GRAMD2B: variants seen among roughly 807,000 people sequenced by gnomAD.
GRAMD2B encodes the protein GRAM domain-containing protein 2B.
In GRAMD2B, 41 loss-of-function variants were observed where a neutral mutation model predicts 59.2. The ratio of observed to expected loss-of-function variants is 0.69; its 90% confidence interval spans 0.54 to 0.90. GRAMD2B has a LOEUF of 0.90. Among genes scored for constraint, GRAMD2B ranks in the 40% least tolerant of loss-of-function variants. The pLI is 0.00. For missense variants in GRAMD2B, 424 were observed against 500.5 expected (o/e 0.85, Z 1.46); for synonymous variants, 161 against 182.7 (o/e 0.88, Z 0.96).
At chr5:126,368,000 G>A (rs1754545485), upstream of GRAMD2B, among the ~76,000 whole-genome samples, 1 of 151,890 alleles carries the variant, frequency 6.6e-6, no homozygotes, top group African/African-American at 2.4e-5. Flanking sequence ...ATCTGCCCGC[G>A]TCGGCCTCCC....
intron 1 of GRAMD2B, among the ~76,000 whole-genome samples, chr5:126,414,559 T>G (rs919530312): frequency 5.9e-5 from 9 of 152,126 alleles, no homozygotes; most frequent in African/African-American, 2.2e-4. Context: ...ATCTCCTAGA[T>G]TCAAGTGATC....
chr5:126,398,399 T>G (rs960530973), intron 1 of GRAMD2B, among the ~76,000 whole-genome samples: 1 of 152,088 alleles, frequency 6.6e-6, no homozygotes, highest in Non-Finnish European at 1.5e-5. Context: ...ATTTACCCAG[T>G]TTTTTGGCAT....
intron 1 of GRAMD2B, among the ~76,000 whole-genome samples, chr5:126,361,481 C>T (rs570125308): frequency 4.0e-5 from 4 of 100,226 alleles, no homozygotes; most frequent in South Asian, 8.3e-4. Flanking sequence ...TTCTTAATTC[C>T]GAAATGGTAA....
At chr5:126,484,335 T>C (rs1040815575) in intron 9 of GRAMD2B, 67 bp from the exon 10 acceptor site, 1 of 1,534,410 alleles carries the variant, frequency 6.5e-7, no homozygotes, top group Admixed American at 2.0e-5. Flanking sequence ...TTGATTTACT[T>C]GGAGATTAAT....
chr5:126,377,647 C>G (rs1165955217), intron 1 of GRAMD2B, among the ~76,000 whole-genome samples: 2 of 152,082 alleles, frequency 1.3e-5, no homozygotes, highest in African/African-American at 2.4e-5. Flanking sequence ...GTGTGATTTG[C>G]CTTCATTTCT....
intron 1 of GRAMD2B, among the ~76,000 whole-genome samples, chr5:126,361,308 C>A (rs1234312304): frequency 6.6e-6 from 1 of 152,054 alleles, no homozygotes; most frequent in Non-Finnish European, 1.5e-5. Context: ...ATGATGGGAA[C>A]TGAAAACATA....
At chr5:126,467,730 A>T (rs1768725248) in intron 2 of GRAMD2B, 1 of 152,252 alleles carries the variant, frequency 6.6e-6, no homozygotes, top group African/African-American at 2.4e-5. Flanking sequence ...AAAAAAATGT[A>T]ATCCCTAGAA....
chr5:126,403,610 A>T (rs976178033), intron 1 of GRAMD2B, among the ~76,000 whole-genome samples: 4 of 151,928 alleles, frequency 2.6e-5, no homozygotes, highest in African/African-American at 4.8e-5. Flanking sequence ...CAGGGGGGAA[A>T]AAATTTTAAC....
intron 12 of GRAMD2B, 60 bp downstream of exon 12, chr5:126,487,037 C>A: frequency 1.2e-6 from 1 of 856,120 alleles, no homozygotes; most frequent in Non-Finnish European, 2.0e-6. Flanking sequence ...AATAATTGAC[C>A]TGAACTTAGC....
chr5:126,389,674 A>G (rs1253077540), intron 1 of GRAMD2B, among the ~76,000 whole-genome samples: 1 of 152,222 alleles, frequency 6.6e-6, no homozygotes, highest in African/African-American at 2.4e-5. Context: ...TGCGCTGGGC[A>G]CCGTGGCTCA....
chr5:126,481,742 T>G (rs1422411915), intron 8 of GRAMD2B, among the ~76,000 whole-genome samples: 5 of 151,400 alleles, frequency 3.3e-5, no homozygotes, highest in African/African-American at 9.7e-5. Context: ...CCGAGGCGGG[T>G]GGATCACAAG....
chr5:126,402,260 AG>A (rs1757904783), intron 1 of GRAMD2B, among the ~76,000 whole-genome samples: 2 of 152,060 alleles, frequency 1.3e-5, no homozygotes, highest in Non-Finnish European at 2.9e-5. Context: ...AAGTGGAAAA[AG>A]GAAAAGTGGA....
intron 13 of GRAMD2B, among the ~76,000 whole-genome samples, chr5:126,489,457 CATAA>C (rs1299777258): frequency 1.3e-5 from 2 of 152,182 alleles, no homozygotes; most frequent in African/African-American, 2.4e-5. Flanking sequence ...AAGAAAAATA[CATAA>C]ATAAAGTCAG....
chr5:126,371,870 C>T (rs1754787072), intron 1 of GRAMD2B, among the ~76,000 whole-genome samples: 2 of 152,164 alleles, frequency 1.3e-5, no homozygotes, highest in Non-Finnish European at 2.9e-5. Context: ...TTGACTCACT[C>T]TCAGGTTCAT....
chr5:126,446,025 A>G (rs1360598828), intron 1 of GRAMD2B, among the ~76,000 whole-genome samples: 1 of 152,174 alleles, frequency 6.6e-6, no homozygotes, highest in Non-Finnish European at 1.5e-5. Context: ...CTACTGGGTA[A>G]CCAGATACCC....
chr5:126,462,511 T>G (rs1304388519), intron 1 of GRAMD2B: 1 of 885,856 alleles, frequency 1.1e-6, no homozygotes, highest in Non-Finnish European at 1.4e-6. Flanking sequence ...GTAGCATCTT[T>G]AAGCAAAAAC....
rs184634116 is a variant in GRAMD2B, at chr5:126,477,925, A to C, written c.582+138A>C. On this transcript the variant is annotated intron_variant, in intron 6 of 13. Coordinates refer to ENST00000285689, the MANE Select transcript of GRAMD2B (RefSeq NM_023927.4). ...TGTGGTGAATCAGGAAAATTCCATA[A>C]GACTAATTTTAAAAATTATAGCCTG... 51 of 630,872 alleles carry C rather than the reference A, an allele frequency of 8.1e-5. 1 individual carries two copies. Among genetic ancestry groups the C allele is most frequent in the South Asian group, 7.5e-4 (40 of 53,320 alleles). 39.1% of individuals were successfully genotyped at this position (630,872 alleles called of 1,614,324 possible). A position where few individuals can be genotyped will look rare whatever the true frequency, so the allele number is the denominator to read the frequency against.
chr5:126,450,727 G>A (rs1479866774), intron 1 of GRAMD2B, among the ~76,000 whole-genome samples: 2 of 151,914 alleles, frequency 1.3e-5, no homozygotes, highest in East Asian at 3.9e-4. Flanking sequence ...CAGCTCAAAG[G>A]GGCCCAGGTA....
intron 1 of GRAMD2B, chr5:126,445,458 T>A (rs1363251615): frequency 1.1e-4 from 16 of 152,150 alleles, no homozygotes; most frequent in Admixed American, 1.0e-3. Flanking sequence ...GATGTTGAGC[T>A]TTTTTTCATA....
Sources: allele counts gnomAD v4.1 joint callset (sites outside exome capture counted in the v4.1 genomes callset), GRCh38; gene constraint gnomAD v4.1.1; transcripts MANE v1.5; gene names NCBI Gene and HGNC (gene_info 2026-07-23, HGNC 2026-07-21).